Variants in RALGPS1 observed in about 807,000 individuals in gnomAD.
The protein encoded by RALGPS1 is ras-specific guanine nucleotide-releasing factor RalGPS1.
In RALGPS1, 19 loss-of-function variants were observed where a neutral mutation model predicts 78.8. The ratio of observed to expected loss-of-function variants is 0.24; its 90% CI spans 0.17 to 0.35. RALGPS1 has a LOEUF of 0.35. Among genes scored for constraint, RALGPS1 ranks in the 10% least tolerant of loss-of-function variants. The pLI, the probability that RALGPS1 is intolerant of heterozygous loss-of-function variation, is 1.00. For synonymous variants in RALGPS1, 228 were observed against 256.3 expected (o/e 0.89, Z 1.06); for missense variants, 454 against 688.3 (o/e 0.66, Z 3.81).
At chr9:127,038,030 G>C (rs1270703010) in intron 5 of RALGPS1, among the ~76,000 whole-genome samples, 3 of 152,148 alleles carry the variant, frequency 2.0e-5, no homozygotes, top group Non-Finnish European at 4.4e-5. Flanking sequence ...AGTTATCATA[G>C]ACCTTCTTTT....
intron 8 of RALGPS1, among the ~76,000 whole-genome samples, chr9:127,118,117 C>T (rs1025274114): frequency 2.0e-5 from 3 of 152,142 alleles, no homozygotes. Context: ...TGCAGTGGCG[C>T]GATCTCAGCT....
chr9:127,100,359 T>C (rs2053592999), intron 8 of RALGPS1, among the ~76,000 whole-genome samples: 1 of 152,258 alleles, frequency 6.6e-6, no homozygotes, highest in Non-Finnish European at 1.5e-5. Flanking sequence ...ATAAAGGTCC[T>C]GTTTCTGCTC....
intron 8 of RALGPS1, among the ~76,000 whole-genome samples, chr9:127,148,028 C>T (rs1363134807): frequency 6.6e-6 from 1 of 152,246 alleles, no homozygotes; most frequent in African/African-American, 2.4e-5. Flanking sequence ...AACTCCTCCT[C>T]AGTAGGTATA....
At chr9:127,043,703 C>G (rs1022756335) in intron 5 of RALGPS1, among the ~76,000 whole-genome samples, 2 of 152,074 alleles carry the variant, frequency 1.3e-5, no homozygotes, top group African/African-American at 2.4e-5. Context: ...TTGCAAAACA[C>G]ATATATGATA....
At chr9:127,202,322 C>G (rs1240551224) in intron 14 of RALGPS1, among the ~76,000 whole-genome samples, 1 of 152,162 alleles carries the variant, frequency 6.6e-6, no homozygotes, top group African/African-American at 2.4e-5. Flanking sequence ...GTGAATTTGC[C>G]TTCCCTGAGT....
Position 127,183,886 on chromosome 9 carries a change from GTCACA to G in RALGPS1, c.910+9108_910+9112del. ...CTTGAGTCTCCCATCTCAGCAGCCT[GTCACA>G]TCAAGGTCAAGCAGAAGAGGCAAGA... On this transcript the variant is annotated intron_variant, in intron 11 of 18. Transcript: ENST00000259351. This position sits in a 1 kb window ranked among gnomAD's most constrained non-coding sequence, Gnocchi z 4.0. 6.5e-7 allele frequency: 1 copy of G among 1,549,376 alleles called. No individual in the cohort carries two copies. The highest frequency in any genetic ancestry group is 2.0e-5 in the Admixed American group (1 of 50,968).
chr9:126,932,414 G>T (rs940900065), intron 1 of RALGPS1, among the ~76,000 whole-genome samples: 3 of 152,132 alleles, frequency 2.0e-5, no homozygotes, highest in African/African-American at 7.2e-5. Context: ...CAGACACAAA[G>T]AAATACATAT....
intron 1 of RALGPS1, among the ~76,000 whole-genome samples, chr9:126,936,397 G>A (rs488039): frequency 0.59 from 89,079 of 152,112 alleles, 30,177 homozygotes; most frequent in East Asian, 0.81. Flanking sequence ...TTCTGGAACT[G>A]AAAGTCAATG....
chr9:127,123,569 G>A (rs1212168595), intron 8 of RALGPS1, among the ~76,000 whole-genome samples: 2 of 152,140 alleles, frequency 1.3e-5, no homozygotes, highest in Non-Finnish European at 2.9e-5. Flanking sequence ...ATCCTCTTTA[G>A]CCTGTGTTTT....
chr9:126,932,266 C>T lies in RALGPS1; in HGVS notation c.-66+17291C>T, dbSNP rs117093921. On this transcript the variant is annotated intron_variant, in intron 1 of 18. Transcript: ENST00000259351. ...ATATTATGTTGGTGAGGTTGTGGAGCGATCAGCTTTCATACTGCTGGTGGG... is the reference window on the plus strand; with the variant it reads ...ATATTATGTTGGTGAGGTTGTGGAGTGATCAGCTTTCATACTGCTGGTGGG... 6.3e-3 allele frequency among the ~76,000 whole-genome samples: 966 copies of T among 152,234 alleles called. 9 individuals are homozygous for T. Among genetic ancestry groups the T allele is most frequent in the Middle Eastern group, 0.01 (3 of 294 alleles).
intron 4 of RALGPS1, among the ~76,000 whole-genome samples, chr9:126,986,148 CAAAG>C (rs1480072089): frequency 6.6e-6 from 1 of 152,072 alleles, no homozygotes; most frequent in Non-Finnish European, 1.5e-5. Flanking sequence ...AGGGGGACCA[CAAAG>C]AACATCATTT....
At chr9:127,037,111 C>T (rs145362594) in intron 5 of RALGPS1, among the ~76,000 whole-genome samples, 7 of 152,256 alleles carry the variant, frequency 4.6e-5, no homozygotes, top group Non-Finnish European at 8.8e-5. Flanking sequence ...GAAGACTAAA[C>T]AAGAATCATG....
intron 11 of RALGPS1, among the ~76,000 whole-genome samples, chr9:127,192,148 C>A (rs1273160514): frequency 6.6e-6 from 1 of 152,170 alleles, no homozygotes; most frequent in Admixed American, 6.5e-5. Context: ...TTTAGAAGAT[C>A]AGACTGGAGG....
chr9:126,950,523 G>C (rs1163792333), intron 1 of RALGPS1, among the ~76,000 whole-genome samples: 1 of 152,044 alleles, frequency 6.6e-6, no homozygotes, highest in African/African-American at 2.4e-5. Context: ...ACTCAAAACT[G>C]CTCAACTACA....
chr9:127,106,635 C>T (rs2054243075), intron 8 of RALGPS1, among the ~76,000 whole-genome samples: 1 of 152,180 alleles, frequency 6.6e-6, no homozygotes, highest in Non-Finnish European at 1.5e-5. Flanking sequence ...CTCCAAAGCG[C>T]CTGCTCTCAA....
intron 3 of RALGPS1, among the ~76,000 whole-genome samples, chr9:126,971,649 C>G (rs111322968): frequency 5.9e-5 from 9 of 152,252 alleles, no homozygotes; most frequent in African/African-American, 2.2e-4. Flanking sequence ...TTCCCCTGAG[C>G]CCTTCCTGAG....
rs189119020 is a variant in RALGPS1 at position 127,206,096 on chromosome 9, A to C, written c.1248-6035A>C. ...TCCTGCCTGAAGATGAGAGTGAAGC[A>C]TCAGAAAGTGGCCAGCATAGGCCAT... On this transcript the variant is annotated intron_variant, in intron 14 of 18. Transcript: ENST00000259351. Among the ~76,000 whole-genome samples, 8 of 152,374 alleles carry C rather than the reference A, an allele frequency of 5.3e-5. No homozygotes were observed. In the South Asian group the frequency reaches 1.7e-3, roughly 32 times the overall value.
chr9:126,922,769 C>G (rs1168383513), intron 1 of RALGPS1, among the ~76,000 whole-genome samples: 3 of 152,218 alleles, frequency 2.0e-5, no homozygotes, highest in Non-Finnish European at 4.4e-5. Flanking sequence ...GAGTGAGAGT[C>G]CACATTTGTT....
intron 14 of RALGPS1, among the ~76,000 whole-genome samples, chr9:127,209,840 G>A (rs2062142905): frequency 6.6e-6 from 1 of 152,204 alleles, no homozygotes; most frequent in Non-Finnish European, 1.5e-5. Flanking sequence ...TGACCATGGA[G>A]GACTGAGGGG....
Sources: gnomAD v4.1 joint callset for allele counts (sites outside exome capture counted in the v4.1 genomes callset) on GRCh38, gnomAD v4.1.1 for gene constraint, Gnocchi (gnomAD v3.1) non-coding constraint, MANE v1.5 for transcripts, NCBI Gene and HGNC (gene_info 2026-07-23, HGNC 2026-07-21) for gene names.